The following DENND5B variants were observed in gnomAD, a reference collection of about 807,000 sequenced individuals.
DENND5B encodes the protein DENN domain-containing protein 5B.
DENND5B carries 34 observed loss-of-function variants against 140.6 expected under a neutral mutation model. The observed-to-expected ratio is 0.24, with a 90% confidence interval of 0.18 to 0.32. DENND5B has a LOEUF of 0.32. Ranked by LOEUF, DENND5B falls within the 10% of genes least tolerant of loss-of-function variation. The pLI, the probability that DENND5B is intolerant of heterozygous loss-of-function variation, is 1.00. For synonymous variants in DENND5B, 551 were observed against 562.1 expected (o/e 0.98, Z 0.28); for missense variants, 1,142 against 1,560.2 (o/e 0.73, Z 4.52).
At chr12:31,578,360 A>C (rs1362305322) in intron 1 of DENND5B, among the ~76,000 whole-genome samples, 2 of 152,180 alleles carry the variant, frequency 1.3e-5, no homozygotes, top group Non-Finnish European at 2.9e-5. Flanking sequence ...ATAATGCACA[A>C]AATAGTTTTC....
At chr12:31,590,002 A>G (rs1331533153) in intron 1 of DENND5B, 2 of 152,290 alleles carry the variant, frequency 1.3e-5, no homozygotes, top group African/African-American at 4.8e-5. Context: ...GGTGCACCCA[A>G]CTGAATTTAA....
chr12:31,551,329 C>G (rs1488571500), intron 1 of DENND5B, among the ~76,000 whole-genome samples: 1 of 152,086 alleles, frequency 6.6e-6, no homozygotes, highest in Non-Finnish European at 1.5e-5. Flanking sequence ...AATCCTTTCC[C>G]CATTGCTTGT....
In DENND5B at chr12:31,422,386, C is replaced by T. The variant is rs564082529; in HGVS notation, c.2470+1211G>A. ...TGGAGCTTGCAGTGAGCCGAGATCG[C>T]GCCACTGCATTCCAGCCTGGGCGAC... is the stretch of plus-strand genomic sequence containing the variant. On this transcript the variant is annotated intron_variant, in intron 11 of 20. Transcript: ENST00000389082. Among the ~76,000 whole-genome samples, 432 of 150,244 alleles carry T rather than the reference C, an allele frequency of 2.9e-3. 2 individuals carry two copies. The highest frequency in any genetic ancestry group is 0.01 in the South Asian group (48 of 4,714).
chr12:31,413,103 G>C (rs533975029), intron 13 of DENND5B, among the ~76,000 whole-genome samples: 5 of 152,242 alleles, frequency 3.3e-5, no homozygotes, highest in African/African-American at 1.2e-4. Context: ...TTTTTGTAGA[G>C]ACGGGGTTTC....
intron 1 of DENND5B, among the ~76,000 whole-genome samples, chr12:31,568,062 C>T (rs1011143527): frequency 5.9e-5 from 9 of 152,114 alleles, no homozygotes; most frequent in Non-Finnish European, 5.9e-5. Flanking sequence ...GTAGAGAATA[C>T]AGGTTGAGCA....
chr12:31,517,694 G>A (rs1472499158), intron 1 of DENND5B, among the ~76,000 whole-genome samples: 1 of 152,168 alleles, frequency 6.6e-6, no homozygotes, highest in Non-Finnish European at 1.5e-5. Context: ...ACTAGTAGGG[G>A]TGCTTTTAAT....
intron 1 of DENND5B, among the ~76,000 whole-genome samples, chr12:31,545,867 G>C (rs1212389631): frequency 2.1e-5 from 3 of 141,508 alleles, no homozygotes; most frequent in East Asian, 4.6e-4. Flanking sequence ...GCTGAGGTGG[G>C]AGGATCACTC....
At chr12:31,426,500 T>C (rs1466869615) in intron 8 of DENND5B, 76 bp from the exon 9 acceptor site, 83 of 1,485,216 alleles carry the variant, frequency 5.6e-5, no homozygotes, top group African/African-American at 7.1e-5. Flanking sequence ...TACAAACAAG[T>C]GCAGAGACAA....
intron 1 of DENND5B, among the ~76,000 whole-genome samples, chr12:31,512,968 C>T (rs1947485563): frequency 6.6e-6 from 1 of 152,228 alleles, no homozygotes; most frequent in South Asian, 2.1e-4. Context: ...ACCTAAGATC[C>T]TTTTTGTGTT....
intron 20 of DENND5B, among the ~76,000 whole-genome samples, chr12:31,389,039 A>G (rs1385647674): frequency 6.6e-6 from 1 of 151,964 alleles, no homozygotes; most frequent in African/African-American, 2.4e-5. Context: ...TGCCTCATCT[A>G]TTTTCTACTT....
chr12:31,533,020 G>A (rs1565670938), intron 1 of DENND5B, among the ~76,000 whole-genome samples: 1 of 152,180 alleles, frequency 6.6e-6, no homozygotes, highest in Admixed American at 6.5e-5. Context: ...TACATCACCT[G>A]CAGTTCTTTC....
chr12:31,498,972 CAA>C (rs369875785), intron 1 of DENND5B, among the ~76,000 whole-genome samples: 3 of 100,484 alleles, frequency 3.0e-5, no homozygotes, highest in Non-Finnish European at 3.9e-5. Context: ...GGCTCCGTCT[CAA>C]AAAAAAAAAA....
intron 3 of DENND5B, chr12:31,477,674 C>T (rs576063653): frequency 6.3e-4 from 106 of 167,110 alleles, no homozygotes; most frequent in Admixed American, 2.7e-3. Flanking sequence ...AAAAATATGA[C>T]GGAGATCCAC....
rs1191860941 is a variant in DENND5B at position 31,590,981 on chromosome 12, C to T, written c.-149G>A. On this transcript the variant is annotated 5_prime_UTR_variant, in exon 1 of 21. Coordinates refer to ENST00000389082, the MANE Select transcript of DENND5B (RefSeq NM_144973.4). ...GCCGCGCAGCCGCCTCTCGCCGCCGCAGCCTGCCTCCTCGCTCGGCGCGGG... is the reference window on the plus strand; with the variant it reads ...GCCGCGCAGCCGCCTCTCGCCGCCGTAGCCTGCCTCCTCGCTCGGCGCGGG... 21 of 891,106 alleles carry T rather than the reference C, an allele frequency of 2.4e-5. No homozygotes were observed. The highest frequency in any genetic ancestry group is 5.4e-5 in the African/African-American group (3 of 55,384). The allele number at this position is 891,106 out of a possible 1,614,324, so 55.2% of individuals were successfully genotyped here.
chr12:31,420,375 G>T (rs569420980), intron 11 of DENND5B, among the ~76,000 whole-genome samples: 10 of 151,938 alleles, frequency 6.6e-5, no homozygotes, highest in Non-Finnish European at 4.4e-5. Flanking sequence ...GGGCTCAAGT[G>T]ATCCTTCCAC....
rs190357171 is a variant in DENND5B, at chr12:31,554,545, G to A, written c.127+36161C>T. ...GTGAATCTGACAATTATGTGTCTTG[G>A]AGTTGCTCTCTCGAGGAGTATCTTT... On this transcript the variant is annotated intron_variant, in intron 1 of 20. Transcript: ENST00000389082. Among the ~76,000 whole-genome samples the A allele has an allele frequency of 2.3e-3, 350 of 152,178 alleles. 4 individuals carry two copies. The highest frequency in any genetic ancestry group is 7.7e-3 in the African/African-American group (318 of 41,496).
chr12:31,442,716 G>A (rs1593176692), intron 7 of DENND5B, 59 bp downstream of exon 7: 11 of 1,551,432 alleles, frequency 7.1e-6, no homozygotes, highest in Middle Eastern at 1.7e-4. Flanking sequence ...TTGAGTTGCA[G>A]AGCACCCCAC....
intron 1 of DENND5B, among the ~76,000 whole-genome samples, chr12:31,508,680 A>C (rs2138890160): frequency 6.6e-6 from 1 of 152,326 alleles, no homozygotes; most frequent in Non-Finnish European, 1.5e-5. Flanking sequence ...AAACAAAAGC[A>C]GTTATCTGAG....
chr12:31,429,533 C>T (rs528743762), intron 8 of DENND5B, among the ~76,000 whole-genome samples: 6 of 151,966 alleles, frequency 3.9e-5, no homozygotes, highest in South Asian at 2.1e-4. Flanking sequence ...CTCAGCCTCT[C>T]GAGTAGCTAG....
Sources: gnomAD v4.1 joint callset for allele counts (sites outside exome capture counted in the v4.1 genomes callset) on GRCh38, gnomAD v4.1.1 for gene constraint, MANE v1.5 for transcripts, NCBI Gene and HGNC (gene_info 2026-07-23, HGNC 2026-07-21) for gene names.